Variants in SPEF1 observed in about 807,000 individuals in gnomAD.
SPEF1 encodes sperm flagella and cilia-associated protein 1.
A neutral mutation model predicts 31.8 loss-of-function variants in SPEF1; 30 were observed. The ratio of observed to expected loss-of-function variants is 0.94; its 90% CI spans 0.70 to 1.28. The LOEUF is 1.28. Ranked by LOEUF, SPEF1 falls within the 50% of genes most tolerant of loss-of-function variation. The pLI, the probability that SPEF1 is intolerant of heterozygous loss-of-function variation, is 0.00. For synonymous variants in SPEF1, 126 were observed against 130.1 expected, an observed-to-expected ratio of 0.97 and a Z score of 0.21; for missense variants, 298 against 309.6, an observed-to-expected ratio of 0.96 and a Z score of 0.28.
In SPEF1 at chr20:3,778,108, G is replaced by A. The variant is rs1310092841; in HGVS notation, c.*104C>T. The A allele has an allele frequency of 2.4e-6, 2 of 829,054 alleles. No homozygotes were observed. Among genetic ancestry groups the A allele is most frequent in the Non-Finnish European group, 3.6e-6 (2 of 549,724 alleles). The allele number at this position is 829,054 out of a possible 1,614,324, so 51.4% of individuals were successfully genotyped here. On this transcript the variant is annotated 3_prime_UTR_variant, in exon 7 of 7. Transcript: ENST00000379756. Reference sequence around the variant, plus strand: ...GGGCCCCAGCAGGCTCGTGAGAGCAGCGGGCTCCGCCCTCCCAATGGTCTA... The same window carrying A: ...GGGCCCCAGCAGGCTCGTGAGAGCAACGGGCTCCGCCCTCCCAATGGTCTA...
intron 1 of SPEF1, 69 bp downstream of exon 1, chr20:3,781,106 CAAAG>C: frequency 6.3e-7 from 1 of 1,586,518 alleles, no homozygotes; most frequent in East Asian, 2.3e-5. Flanking sequence ...CACACAAACA[CAAAG>C]AGTTTGCACA....
At chr20:3,780,989 A>G (rs746903842) in intron 1 of SPEF1, among the ~76,000 whole-genome samples, 190 bp downstream of exon 1, 8 of 152,214 alleles carry the variant, frequency 5.3e-5, no homozygotes, top group African/African-American at 1.4e-4. Context: ...ACATGTAGAC[A>G]TACATATATG....
Position 3,778,433 on chromosome 20 carries a change from T to C in SPEF1, c.591A>G (p.Gln197=), listed in dbSNP as rs1397360969. Reference sequence around the variant, plus strand: ...CTAGACCCCTCACCTGCACGGTCTCTTGAGAGGCCAACAGCTCCTGCTCCT... The same window carrying C: ...CTAGACCCCTCACCTGCACGGTCTCCTGAGAGGCCAACAGCTCCTGCTCCT... ...AEKEQELLAS[Q]ETVQVLQMKV... Residue 197 remains glutamine, a synonymous_variant, in exon 6 of 7, where the codon CAA becomes CAG. Coordinates refer to ENST00000379756, the MANE Select transcript of SPEF1 (RefSeq NM_015417.5). The C allele has an allele frequency of 6.2e-7, 1 of 1,613,938 alleles. No homozygotes were observed.
At position 3,778,247 on chromosome 20, in the gene SPEF1, G is replaced by T; in HGVS notation, c.676C>A (p.Arg226=). 3 of 1,607,922 alleles carry T rather than the reference G, an allele frequency of 1.9e-6. No individual in the cohort carries two copies. The highest frequency in any genetic ancestry group is 2.2e-5 in the East Asian group (1 of 44,566). The change falls in exon 7 of 7, where the codon CGG becomes AGG. Residue 226 remains arginine (R), a synonymous_variant. Transcript: ENST00000379756. ...TTACGCTCCGCCTGCTGGAGCCGCCGGGAGAGGTCTTCGATCCGCACATTC... is the reference window on the plus strand; with the variant it reads ...TTACGCTCCGCCTGCTGGAGCCGCCTGGAGAGGTCTTCGATCCGCACATTC... ...LKNVRIEDLS[R]RLQQAERKQR is the part of the protein sequence containing the mutation.
Position 3,779,716 on chromosome 20 carries a change from C to T in SPEF1, c.169G>A (p.Val57Ile). The change falls in exon 2 of 7, where the codon GTC (valine) becomes ATC (isoleucine). Residue 57 changes from valine to isoleucine, a missense_variant. Transcript: ENST00000379756. ...TTCTGCTGGAGAGAGTTGGCGGGGA[C>T]ATAATTGTGCATCTCCACCATCTTG... The part of the protein sequence containing the change: ...FPKMVEMHNY[V>I]PANSLQQKLS... The T allele has an allele frequency of 6.2e-7, 1 of 1,613,352 alleles. No individual in the cohort carries two copies. Among genetic ancestry groups the T allele is most frequent in the Non-Finnish European group, 8.5e-7 (1 of 1,179,810 alleles).
At chr20:3,780,416 G>GCGCACA (rs1445215501) in intron 1 of SPEF1, among the ~76,000 whole-genome samples, 8 of 137,904 alleles carry the variant, frequency 5.8e-5, no homozygotes, top group African/African-American at 1.9e-4. Flanking sequence ...GATGCATGAT[G>GCGCACA]CACACACACA....
rs1348774146 is a variant in SPEF1, at chr20:3,779,356, A to T, written c.222-4T>A. The T allele has an allele frequency of 1.3e-6, 2 of 1,587,846 alleles. No homozygotes were observed. The highest frequency in any genetic ancestry group is 1.7e-6 in the Non-Finnish European group (2 of 1,161,518). ...GTTCAGCCTCTTCAGTACCTTCCTG[A>T]GGGGTAGACATTGGGATAGCAGATT... On this transcript the variant is annotated splice_polypyrimidine_tract_variant and splice_region_variant and intron_variant, in intron 2 of 6. Coordinates refer to ENST00000379756, the MANE Select transcript of SPEF1 (RefSeq NM_015417.5).
At chr20:3,778,837 G>A (rs1352968046) in intron 4 of SPEF1, 31 bp from the exon 5 acceptor site, 36 of 1,612,568 alleles carry the variant, frequency 2.2e-5, no homozygotes, top group Non-Finnish European at 2.5e-5. Flanking sequence ...GAATGACTGT[G>A]CTGGAGTCTC....
chr20:3,781,376 G>T lies in SPEF1; in HGVS notation c.-89C>A, dbSNP rs896714402. 17 of 1,523,972 alleles carry T rather than the reference G, an allele frequency of 1.1e-5. No homozygotes were observed. The highest frequency in any genetic ancestry group is 1.4e-5 in the Non-Finnish European group (16 of 1,136,966). 94.4% of individuals were successfully genotyped at this position (1,523,972 alleles called of 1,614,324 possible). A position where few individuals can be genotyped will look rare whatever the true frequency, so the allele number is the denominator to read the frequency against. On this transcript the variant is annotated 5_prime_UTR_variant, in exon 1 of 7. In the 5' UTR this introduces an upstream ATG that the reference lacks. Transcript: ENST00000379756. ...AGGCGCTTCCTTTCTCGCCACTGCA[G>T]AAGCCCATAACTGCCTCTGCCTGCC... is the stretch of plus-strand genomic sequence containing the variant.
chr20:3,778,915 C>A (rs560863289), intron 4 of SPEF1, 36 bp downstream of exon 4: 12 of 1,614,030 alleles, frequency 7.4e-6, no homozygotes, highest in Non-Finnish European at 1.0e-5. Flanking sequence ...AAGGAAAGCT[C>A]CAACCGGGAG....
In SPEF1 at chr20:3,778,945, C is replaced by T. The variant is rs763916651; in HGVS notation, c.418+6G>A. The stretch of plus-strand genomic sequence containing the variant: ...CGGGAGGGAGAAATGGAAAAGGCCA[C>T]CTTACCCACATCCATGTAGCCACTG... On this transcript the variant is annotated splice_donor_region_variant and intron_variant, in intron 4 of 6. Transcript: ENST00000379756. 6.2e-7 allele frequency: 1 copy of T among 1,614,202 alleles called. No homozygotes were observed.
chr20:3,778,396 C>G, intron 6 of SPEF1, 25 bp downstream of exon 6: 1 of 1,613,878 alleles, frequency 6.2e-7, no homozygotes, highest in South Asian at 1.1e-5. Context: ...CGAGCCCCCA[C>G]CCGCAGCCTT....
intron 1 of SPEF1, among the ~76,000 whole-genome samples, chr20:3,780,911 C>A (rs1364063011): frequency 6.6e-6 from 1 of 152,148 alleles, no homozygotes; most frequent in Non-Finnish European, 1.5e-5. Context: ...TATGCAGACA[C>A]ATATCTTAAT....
At chr20:3,781,052 A>T (rs1010644238) in intron 1 of SPEF1, 127 bp downstream of exon 1, 3 of 1,264,354 alleles carry the variant, frequency 2.4e-6, no homozygotes, top group African/African-American at 3.0e-5. Flanking sequence ...CACACATCTA[A>T]AATTTGAAGT....
At position 3,781,177 on chromosome 20, in the gene SPEF1, AC is replaced by A. The variant is rs1206130214; in HGVS notation, c.109+1del. ...AACATGCAGACACACAAGGGCACAC[AC>A]CTCCATCGCTAAAGTCCCGGGAGAG... On this transcript the variant is annotated splice_donor_variant, in intron 1 of 6. Coordinates refer to ENST00000379756, the MANE Select transcript of SPEF1 (RefSeq NM_015417.5). LOFTEE classifies it high-confidence loss of function. 6.2e-7 allele frequency: 1 copy of A among 1,614,106 alleles called. No individual in the cohort carries two copies. The highest frequency in any genetic ancestry group is 1.7e-5 in the Admixed American group (1 of 60,010).
At chr20:3,781,092 C>A in intron 1 of SPEF1, 87 bp downstream of exon 1, 1 of 1,565,590 alleles carries the variant, frequency 6.4e-7, no homozygotes, top group Non-Finnish European at 8.7e-7. Flanking sequence ...CCCACTCCCA[C>A]AAGCACACAA....
Position 3,779,087 on chromosome 20 carries a change from C to G in SPEF1, c.379-97G>C, listed in dbSNP as rs1464901216. 5.0e-6 allele frequency: 8 copies of G among 1,588,832 alleles called. No individual in the cohort carries two copies. The Admixed American group carries it at 7.1e-5, about 14-fold the overall frequency. On this transcript the variant is annotated intron_variant, in intron 3 of 6. Transcript: ENST00000379756. ...GGGCCCCCAGGCCAGGCTCTATTAG[C>G]CAAGCACCCCTCCCCCACACTTATC...
At position 3,778,932 on chromosome 20, in the gene SPEF1, A is replaced by G; in HGVS notation, c.418+19T>C. ...GGAAAGCTCCAACCGGGAGGGAGAA[A>G]TGGAAAAGGCCACCTTACCCACATC... On this transcript the variant is annotated intron_variant, in intron 4 of 6. Coordinates refer to ENST00000379756, the MANE Select transcript of SPEF1 (RefSeq NM_015417.5). 1 of 1,614,098 alleles carries G rather than the reference A, an allele frequency of 6.2e-7. No homozygotes were observed. The highest frequency in any genetic ancestry group is 8.5e-7 in the Non-Finnish European group (1 of 1,179,990).
chr20:3,779,363 G>A lies in SPEF1; in HGVS notation c.222-11C>T. ...CTCTTCAGTACCTTCCTGAGGGGTA[G>A]ACATTGGGATAGCAGATTGGGTCCT... On this transcript the variant is annotated splice_polypyrimidine_tract_variant and intron_variant, in intron 2 of 6. Transcript: ENST00000379756. 6.3e-7 allele frequency: 1 copy of A among 1,586,080 alleles called. No homozygotes were observed. Among genetic ancestry groups the A allele is most frequent in the Non-Finnish European group, 8.6e-7 (1 of 1,159,866 alleles).
Sources: gnomAD v4.1 joint callset for allele counts (sites outside exome capture counted in the v4.1 genomes callset) on GRCh38, gnomAD v4.1.1 for gene constraint, MANE v1.5 for transcripts, NCBI Gene and HGNC (gene_info 2026-07-23, HGNC 2026-07-21) for gene names.